DMD: variants seen among roughly 807,000 people sequenced by gnomAD.
DMD encodes dystrophin.
In DMD, 63 loss-of-function variants were observed where a neutral mutation model predicts 330.1. The ratio of observed to expected loss-of-function variants is 0.19; its 90% CI spans 0.16 to 0.24. The LOEUF (loss-of-function observed/expected upper bound fraction) is 0.24, where lower values mean the gene tolerates loss of function less well. DMD is among the 10% of genes least tolerant of loss of function. The probability of loss-of-function intolerance (pLI) is 1.00; values close to 1 mark genes in which losing one functional copy is unlikely to be tolerated. For synonymous variants in DMD, 1,223 were observed against 959.8 expected (o/e 1.27, Z -5.07); for missense variants, 3,344 against 2,684.1 (o/e 1.25, Z -5.43).
chrX:32,526,277 T>C (rs2046929870), intron 17 of DMD, among the ~76,000 whole-genome samples: 1 of 112,126 alleles, frequency 8.9e-6, no homozygotes, highest in Admixed American at 9.5e-5. Context: ...TCCTCTATTC[T>C]TCAAGTATAT....
intron 2 of DMD, among the ~76,000 whole-genome samples, chrX:32,980,984 T>C (rs185889367): frequency 1.8e-5 from 2 of 111,659 alleles, no homozygotes; most frequent in East Asian, 5.6e-4. Context: ...AACCCCAATT[T>C]AAAGAGCATG....
intron 11 of DMD, among the ~76,000 whole-genome samples, chrX:32,627,350 A>G (rs181814168): frequency 9.6e-6 from 1 of 104,535 alleles, no homozygotes; most frequent in Admixed American, 9.9e-5. Context: ...TTCCACAAGT[A>G]CTAAAATATC....
chrX:31,828,509 C>A (rs1403453698), intron 49 of DMD, among the ~76,000 whole-genome samples: 18 of 109,120 alleles, frequency 1.6e-4, no homozygotes, highest in African/African-American at 6.0e-4. Context: ...ACTAAAAATA[C>A]AAAAATTAGC....
intron 52 of DMD, among the ~76,000 whole-genome samples, chrX:31,708,067 T>C (rs2084334300): frequency 8.9e-6 from 1 of 112,175 alleles, no homozygotes; most frequent in African/African-American, 3.2e-5. Flanking sequence ...AAGCATTCCA[T>C]CATTTGTGTT....
At chrX:32,524,322 C>A (rs1364590059) in intron 17 of DMD, among the ~76,000 whole-genome samples, 1 of 111,851 alleles carries the variant, frequency 8.9e-6, no homozygotes, top group African/African-American at 3.3e-5. Context: ...CAAATGTCTC[C>A]TTTTTTTCCC....
In DMD at chrX:31,774,070, C is replaced by A. The variant is rs2090510883; in HGVS notation, c.7432G>T (p.Ala2478Ser). Reference protein sequence around the residue: ...EVPALADFNRAWTELTDWLSL... With the variant: ...EVPALADFNRSWTELTDWLSL... Reference sequence around the variant, plus strand: ...AGCCAGTCGGTAAGTTCTGTCCAAGCCCGGTTGAAATCTGCCAGAGCAGGT... The same window carrying A: ...AGCCAGTCGGTAAGTTCTGTCCAAGACCGGTTGAAATCTGCCAGAGCAGGT... Residue 2478 changes from alanine (A) to serine (S), a missense_variant, in exon 51 of 79, where the codon GCT becomes TCT. By Grantham distance (99) the Ala-to-Ser change is moderately conservative. Transcript: ENST00000357033. The A allele has an allele frequency of 2.5e-6, 3 of 1,208,312 alleles. No homozygotes were observed. In the Admixed American group the frequency reaches 6.6e-5, roughly 27 times the overall value.
chrX:33,174,526 A>G (rs1234588532), intron 1 of DMD, among the ~76,000 whole-genome samples: 2 of 111,607 alleles, frequency 1.8e-5, no homozygotes, highest in African/African-American at 6.5e-5. Context: ...TTATATTTGC[A>G]TATATTAACT....
chrX:32,671,869 G>T (rs1357122744), intron 9 of DMD, among the ~76,000 whole-genome samples: 23 of 111,408 alleles, frequency 2.1e-4, no homozygotes, highest in African/African-American at 6.5e-4. Context: ...ATATGCTTAT[G>T]CTTTATATAA....
At chrX:32,893,486 C>T (rs2085409395) in intron 2 of DMD, among the ~76,000 whole-genome samples, 1 of 111,720 alleles carries the variant, frequency 9.0e-6, no homozygotes, top group African/African-American at 3.3e-5. Flanking sequence ...GCACAGTTAG[C>T]ATCTCTCAGG....
rs1025900145 is a variant in DMD, at chrX:32,562,957, T to C, written c.1992+2745A>G. 9.8e-5 allele frequency among the ~76,000 whole-genome samples: 11 copies of C among 111,933 alleles called. No homozygotes were observed. The Admixed American group carries it at 1.0e-3, about 11-fold the overall frequency. ...AAGCTTAAGAAAAACTCAAGCTTAGTGTTCTGGAAAACAACTTACATGATG... is the reference window on the plus strand; with the variant it reads ...AAGCTTAAGAAAAACTCAAGCTTAGCGTTCTGGAAAACAACTTACATGATG... On this transcript the variant is annotated intron_variant, in intron 16 of 78. Coordinates refer to ENST00000357033, the MANE Select transcript of DMD (RefSeq NM_004006.3).
intron 2 of DMD, among the ~76,000 whole-genome samples, chrX:32,991,749 TA>T (rs1265955399): frequency 1.8e-5 from 2 of 111,819 alleles, no homozygotes; most frequent in Non-Finnish European, 3.8e-5. Flanking sequence ...TTTTATGACT[TA>T]AAAAAATGCC....
intron 2 of DMD, among the ~76,000 whole-genome samples, chrX:32,863,117 A>G (rs1354591028): frequency 1.8e-5 from 2 of 111,482 alleles, no homozygotes; most frequent in Non-Finnish European, 3.8e-5. Flanking sequence ...AAGGCTAATT[A>G]CAATCTATCC....
intron 16 of DMD, among the ~76,000 whole-genome samples, chrX:32,551,891 A>C (rs772060185): frequency 1.6e-4 from 18 of 112,012 alleles, no homozygotes; most frequent in Non-Finnish European, 3.2e-4. Context: ...GTCAAAAAGA[A>C]ATAAGATACC....
intron 54 of DMD, among the ~76,000 whole-genome samples, chrX:31,632,279 T>C (rs2079173818): frequency 8.9e-6 from 1 of 111,819 alleles, no homozygotes; most frequent in South Asian, 3.7e-4. Context: ...GCTTAATTAT[T>C]GTATACACAC....
chrX:31,976,413 GA>G (rs1466445346), intron 44 of DMD, among the ~76,000 whole-genome samples: 1 of 110,832 alleles, frequency 9.0e-6, no homozygotes, highest in Admixed American at 9.7e-5. Context: ...TATTTTTATT[GA>G]AACGATTCTG....
intron 2 of DMD, among the ~76,000 whole-genome samples, chrX:32,947,268 G>A (rs933107071): frequency 2.4e-4 from 27 of 111,475 alleles, no homozygotes; most frequent in African/African-American, 5.9e-4. Flanking sequence ...GCACATACAC[G>A]AGCAATTACA....
intron 45 of DMD, among the ~76,000 whole-genome samples, chrX:31,943,609 A>G (rs899933004): frequency 9.0e-6 from 1 of 111,313 alleles, no homozygotes; most frequent in Non-Finnish European, 1.9e-5. Flanking sequence ...CTTTCTTCCT[A>G]ACCCACAACC....
intron 42 of DMD, among the ~76,000 whole-genome samples, chrX:32,303,376 T>C (rs12858102): frequency 1.8e-5 from 2 of 110,682 alleles, no homozygotes; most frequent in Non-Finnish European, 3.8e-5. Context: ...GATACAGTGG[T>C]GGAGGAAAAA....
chrX:32,718,532 C>A (rs903559283), intron 7 of DMD, among the ~76,000 whole-genome samples: 1 of 111,585 alleles, frequency 9.0e-6, no homozygotes, highest in East Asian at 2.8e-4. Flanking sequence ...AATGTGAGAA[C>A]GGACTAATAC....
Sources: allele counts gnomAD v4.1 joint callset (sites outside exome capture counted in the v4.1 genomes callset), GRCh38; gene constraint gnomAD v4.1.1; transcripts MANE v1.5; gene names NCBI Gene and HGNC (gene_info 2026-07-23, HGNC 2026-07-21).